Variants in SSR3 observed in about 807,000 individuals in gnomAD.
SSR3 encodes the protein signal sequence receptor subunit 3.
In SSR3, 10 loss-of-function variants were observed where a neutral mutation model predicts 22.1. The ratio of observed to expected loss-of-function variants is 0.45; its 90% CI spans 0.28 to 0.77. The LOEUF (loss-of-function observed/expected upper bound fraction) is 0.77, where lower values mean the gene tolerates loss of function less well. SSR3 is among the 30% of genes least tolerant of loss of function. The pLI is 0.13. For missense variants in SSR3, 181 were observed against 220.5 expected, an observed-to-expected ratio of 0.82 and a Z score of 1.13; for synonymous variants, 104 against 82.5, an observed-to-expected ratio of 1.26 and a Z score of -1.42.
At chr3:156,549,403 T>A (rs998565856) in intron 2 of SSR3, among the ~76,000 whole-genome samples, 6 of 152,232 alleles carry the variant, frequency 3.9e-5, no homozygotes, top group African/African-American at 1.4e-4. Flanking sequence ...ATTATTTCAA[T>A]TCCAAGTACA....
In SSR3 at chr3:156,544,394, TGTTGTA is replaced by T. The variant is rs1475629781; in HGVS notation, c.399_404del (p.Thr134_Thr135del). Reference sequence around the variant, plus strand: ...GAGTGTTGTTATAGAAGATGGAAAATGTTGTAGCTTCATAATCAGCAACTTCATTCT... The same window carrying T: ...GAGTGTTGTTATAGAAGATGGAAAATGCTTCATAATCAGCAACTTCATTCT... On this transcript the variant is annotated inframe_deletion, in exon 4 of 5. Transcript: ENST00000265044. 1.3e-6 allele frequency: 2 copies of T among 1,593,596 alleles called. No homozygotes were observed. The highest frequency in any genetic ancestry group is 1.7e-6 in the Non-Finnish European group (2 of 1,170,268).
chr3:156,543,357 G>A (rs1254154342), intron 4 of SSR3, 88 bp from the exon 5 acceptor site: 18 of 933,204 alleles, frequency 1.9e-5, no homozygotes, highest in Non-Finnish European at 2.9e-5. Context: ...GGAATGTACT[G>A]CTTCCTTCCT....
intron 2 of SSR3, among the ~76,000 whole-genome samples, chr3:156,549,680 T>G (rs572845087): frequency 6.6e-6 from 1 of 152,230 alleles, no homozygotes; most frequent in Non-Finnish European, 1.5e-5. Flanking sequence ...GAGTTAGAAT[T>G]GACATTGTTA....
intron 1 of SSR3, 151 bp downstream of exon 1, chr3:156,554,806 G>A: frequency 2.0e-6 from 2 of 1,008,554 alleles, no homozygotes; most frequent in Non-Finnish European, 2.9e-6. Context: ...CCAAAGAAGA[G>A]GCTCCGTGCC....
At chr3:156,548,184 C>T (rs1484723055) in intron 3 of SSR3, among the ~76,000 whole-genome samples, 1 of 152,162 alleles carries the variant, frequency 6.6e-6, no homozygotes, top group African/African-American at 2.4e-5. Flanking sequence ...AATTCTTCAG[C>T]ACAAGTTTAC....
intron 2 of SSR3, among the ~76,000 whole-genome samples, 186 bp downstream of exon 2, chr3:156,553,469 A>T (rs1025375921): frequency 6.6e-6 from 1 of 152,174 alleles, no homozygotes; most frequent in African/African-American, 2.4e-5. Context: ...TGTCAGAATG[A>T]TCATTGTCTC....
At chr3:156,548,575 G>C (rs1408937207) in intron 3 of SSR3, among the ~76,000 whole-genome samples, 1 of 152,130 alleles carries the variant, frequency 6.6e-6, no homozygotes, top group African/African-American at 2.4e-5. Flanking sequence ...TTCTTATCAT[G>C]GATCTACCAT....
At position 156,544,319 on chromosome 3, in the gene SSR3, G is replaced by A; in HGVS notation, c.480C>T (p.Phe160=). The change falls in exon 4 of 5, where the codon TTC becomes TTT. Residue 160 remains phenylalanine, a synonymous_variant. Coordinates refer to ENST00000265044, the MANE Select transcript of SSR3 (RefSeq NM_007107.5). The part of the protein sequence containing the change: ...IVASFFILKN[F]NPTVNYILSI... ...CTTGAAAAGGATACACTGTGGGGTTGAAGTTCTTCAATATGAAGAAGGAAG... is the reference window on the plus strand; with the variant it reads ...CTTGAAAAGGATACACTGTGGGGTTAAAGTTCTTCAATATGAAGAAGGAAG... The A allele has an allele frequency of 6.3e-7, 1 of 1,591,160 alleles. No homozygotes were observed. The highest frequency in any genetic ancestry group is 1.2e-5 in the South Asian group (1 of 85,584).
At chr3:156,551,446 A>G (rs1447827677) in intron 2 of SSR3, 1 of 152,142 alleles carries the variant, frequency 6.6e-6, no homozygotes, top group Non-Finnish European at 1.5e-5. Flanking sequence ...GCCATGCCTC[A>G]CAGGAAACAG....
intron 3 of SSR3, among the ~76,000 whole-genome samples, chr3:156,547,273 T>G (rs1377661820): frequency 6.6e-6 from 1 of 152,200 alleles, no homozygotes; most frequent in Non-Finnish European, 1.5e-5. Flanking sequence ...TAGTAGTGAC[T>G]ACCTGAACAC....
chr3:156,540,629 A>T lies in SSR3; in HGVS notation c.*2574T>A, dbSNP rs1322111201. Reference sequence around the variant, plus strand: ...TCAAAAAAAAAAAAAAAAAAAAAAGAATATCAATCCAAGATTTTTATTAAG... The same window carrying T: ...TCAAAAAAAAAAAAAAAAAAAAAAGTATATCAATCCAAGATTTTTATTAAG... On this transcript the variant is annotated 3_prime_UTR_variant, in exon 5 of 5. Coordinates refer to ENST00000265044, the MANE Select transcript of SSR3 (RefSeq NM_007107.5). The T allele has an allele frequency of 8.1e-6, 1 of 123,826 alleles. No individual in the cohort carries two copies. The highest frequency in any genetic ancestry group is 2.8e-5 in the African/African-American group (1 of 35,314). 7.7% of individuals were successfully genotyped at this position (123,826 alleles called of 1,614,324 possible).
Sources: gnomAD v4.1 joint callset for allele counts (sites outside exome capture counted in the v4.1 genomes callset) on GRCh38, gnomAD v4.1.1 for gene constraint, MANE v1.5 for transcripts, NCBI Gene and HGNC (gene_info 2026-07-23, HGNC 2026-07-21) for gene names.